Variants in NTRK3 observed in about 807,000 individuals in gnomAD.
The protein encoded by NTRK3 is NT-3 growth factor receptor.
NTRK3 carries 24 observed loss-of-function variants against 91.7 expected under a neutral mutation model. That is an observed-to-expected ratio of 0.26 (90% CI 0.19 to 0.37). NTRK3 has a LOEUF of 0.37. Among genes scored for constraint, NTRK3 ranks in the 10% least tolerant of loss-of-function variants. The pLI is 1.00. For missense variants in NTRK3, 880 were observed against 1,068.9 expected (o/e 0.82, Z 2.46); for synonymous variants, 483 against 404.0 (o/e 1.20, Z -2.34).
chr15:88,129,632 G>A (rs2053616821), intron 10 of NTRK3, among the ~76,000 whole-genome samples: 4 of 152,258 alleles, frequency 2.6e-5, no homozygotes, highest in African/African-American at 7.2e-5. Context: ...GCCGGACCAG[G>A]GAAAGTACAA....
intron 14 of NTRK3, among the ~76,000 whole-genome samples, chr15:88,018,439 A>T (rs950085030): frequency 1.3e-5 from 2 of 152,156 alleles, no homozygotes; most frequent in African/African-American, 4.8e-5. Context: ...CATGCTCCTA[A>T]ACTCTAGAGT....
At chr15:88,134,991 T>A (rs1203600802) in intron 10 of NTRK3, 110 bp downstream of exon 10, 57 of 1,307,716 alleles carry the variant, frequency 4.4e-5, no homozygotes, top group Non-Finnish European at 6.2e-5. Flanking sequence ...TTGTTGCCCA[T>A]GATAACAGTA....
At chr15:88,228,124 T>C (rs2050841155) in intron 3 of NTRK3, among the ~76,000 whole-genome samples, 2 of 152,120 alleles carry the variant, frequency 1.3e-5, no homozygotes, top group Non-Finnish European at 2.9e-5. Context: ...CTTTTCCTTC[T>C]CATATCCACT....
intron 3 of NTRK3, among the ~76,000 whole-genome samples, chr15:88,251,609 G>T (rs901155850): frequency 2.6e-5 from 4 of 152,254 alleles, no homozygotes; most frequent in South Asian, 4.1e-4. Context: ...CGTGATATTG[G>T]CAAGGGCCAT....
rs1265075771 is a variant in NTRK3, at chr15:87,886,699, T to TATATATATATATATATATATACAC, written c.2134-6272_2134-6271insGTGTATATATATATATATATATAT. Among the ~76,000 whole-genome samples, 6 of 138,490 alleles carry TATATATATATATATATATATACAC rather than the reference T, an allele frequency of 4.3e-5. No homozygotes were observed. The East Asian group carries it at 1.3e-3, about 29-fold the overall frequency. 90.9% of individuals were successfully genotyped at this position (138,490 alleles called of 152,430 possible). On this transcript the variant is annotated intron_variant, in intron 17 of 18. Transcript: ENST00000394480. ...TGCTATATATATATATATATATATA[T>TATATATATATATATATATATACAC]ACATATATACACACACACACATACA...
At chr15:87,890,862 C>G (rs962128129) in intron 17 of NTRK3, among the ~76,000 whole-genome samples, 1 of 152,182 alleles carries the variant, frequency 6.6e-6, no homozygotes, top group Non-Finnish European at 1.5e-5. Flanking sequence ...AAGACCACAA[C>G]ATGGATCGTT....
chr15:87,881,405 TC>T (rs1282567500), intron 17 of NTRK3, among the ~76,000 whole-genome samples: 1 of 113,630 alleles, frequency 8.8e-6, no homozygotes, highest in Non-Finnish European at 2.0e-5. Context: ...TTTCCTTCTT[TC>T]TTATTTATTT....
intron 15 of NTRK3, among the ~76,000 whole-genome samples, chr15:87,939,197 C>T (rs1028537864): frequency 6.6e-6 from 1 of 152,084 alleles, no homozygotes; most frequent in Non-Finnish European, 1.5e-5. Context: ...TATCTAAGCA[C>T]ATTCAGTAAT....
chr15:87,963,655 G>A (rs984772077), intron 14 of NTRK3, among the ~76,000 whole-genome samples: 1 of 152,210 alleles, frequency 6.6e-6, no homozygotes, highest in South Asian at 2.1e-4. Context: ...AGGTAGGCTA[G>A]TCTAAGCGAT....
At chr15:88,189,135 C>T (rs1213042721) in intron 3 of NTRK3, among the ~76,000 whole-genome samples, 1 of 152,160 alleles carries the variant, frequency 6.6e-6, no homozygotes, top group Admixed American at 6.5e-5. Flanking sequence ...TCAAGGTAGA[C>T]CCCTGGGATC....
intron 13 of NTRK3, chr15:88,072,639 A>G (rs1218741753): frequency 4.3e-6 from 1 of 232,726 alleles, no homozygotes; most frequent in Non-Finnish European, 8.5e-6. Context: ...TAACACAGTT[A>G]ATGCACAATT....
chr15:87,864,063 C>G (rs901933721), exon 19 of NTRK3: 1 of 231,990 alleles, frequency 4.3e-6, no homozygotes, highest in South Asian at 1.8e-4. Flanking sequence ...TAACATGAAT[C>G]TTCCCCCAAC....
chr15:88,183,012 A>ACCCACCCC (rs2046632259), intron 5 of NTRK3, among the ~76,000 whole-genome samples: 2 of 119,884 alleles, frequency 1.7e-5, no homozygotes, highest in Admixed American at 8.6e-5. Context: ...TCTTCTTGCA[A>ACCCACCCC]CCCCCCCCCG....
intron 3 of NTRK3, among the ~76,000 whole-genome samples, chr15:88,197,124 A>AAAAAC: frequency 6.7e-6 from 1 of 148,726 alleles, no homozygotes; most frequent in South Asian, 2.1e-4. Flanking sequence ...AAAAAAAAAA[A>AAAAAC]AAACCTCTGT....
At chr15:88,197,488 CA>C (rs1318266434) in intron 3 of NTRK3, among the ~76,000 whole-genome samples, 1 of 152,200 alleles carries the variant, frequency 6.6e-6, no homozygotes, top group Admixed American at 6.5e-5. Flanking sequence ...CACACCAAAC[CA>C]AACTTCTATT....
intron 15 of NTRK3, 70 bp downstream of exon 15, chr15:87,940,553 A>T (rs2142015695): frequency 6.2e-7 from 1 of 1,608,762 alleles, no homozygotes; most frequent in Admixed American, 1.7e-5. Context: ...AAATGGAGGG[A>T]GCCTCTTCCT....
chr15:88,170,332 C>G (rs2045389488), intron 5 of NTRK3, among the ~76,000 whole-genome samples: 1 of 152,186 alleles, frequency 6.6e-6, no homozygotes, highest in South Asian at 2.1e-4. Flanking sequence ...CAAACTGAGA[C>G]CAGGTTGCAT....
At chr15:88,097,476 AT>A (rs2049734398) in intron 13 of NTRK3, among the ~76,000 whole-genome samples, 1 of 152,206 alleles carries the variant, frequency 6.6e-6, no homozygotes, top group Non-Finnish European at 1.5e-5. Flanking sequence ...GGCTTTGTTG[AT>A]TGGTCAAACT....
intron 6 of NTRK3, among the ~76,000 whole-genome samples, chr15:88,138,317 G>C (rs1209808260): frequency 6.6e-6 from 1 of 152,034 alleles, no homozygotes; most frequent in Non-Finnish European, 1.5e-5. Flanking sequence ...GGCTGAGGCG[G>C]GAGAATGGCG....
Sources: allele counts gnomAD v4.1 joint callset (sites outside exome capture counted in the v4.1 genomes callset), GRCh38; gene constraint gnomAD v4.1.1; transcripts MANE v1.5; gene names NCBI Gene and HGNC (gene_info 2026-07-23, HGNC 2026-07-21).